Variants in CHSY3 observed in about 807,000 individuals in gnomAD.
The protein encoded by CHSY3 is chondroitin sulfate synthase 3.
A neutral mutation model predicts 67.2 loss-of-function variants in CHSY3; 35 were observed. The observed-to-expected ratio is 0.52, with a 90% confidence interval of 0.40 to 0.69. CHSY3 has a LOEUF of 0.69. Among genes scored for constraint, CHSY3 ranks in the 30% least tolerant of loss-of-function variants. The pLI, the probability that CHSY3 is intolerant of heterozygous loss-of-function variation, is 0.00. For synonymous variants in CHSY3, 474 were observed against 434.7 expected, an observed-to-expected ratio of 1.09 and a Z score of -1.12; for missense variants, 1,069 against 1,138.5, an observed-to-expected ratio of 0.94 and a Z score of 0.88.
chr5:130,108,778 G>T (rs1767494443), intron 2 of CHSY3, among the ~76,000 whole-genome samples: 1 of 151,680 alleles, frequency 6.6e-6, no homozygotes, highest in Admixed American at 6.6e-5. Context: ...CTTCAAAGCA[G>T]ATGCACAAAT....
At chr5:129,967,935 G>A (rs1460839088) in intron 2 of CHSY3, among the ~76,000 whole-genome samples, 1 of 151,620 alleles carries the variant, frequency 6.6e-6, no homozygotes. Context: ...GGTTGAAGTG[G>A]CAATAAGAGA....
chr5:129,961,583 TG>T (rs1473995062), intron 2 of CHSY3, among the ~76,000 whole-genome samples: 1 of 152,024 alleles, frequency 6.6e-6, no homozygotes, highest in Admixed American at 6.6e-5. Flanking sequence ...CCACACCTTT[TG>T]TTTCTGATTT....
intron 2 of CHSY3, among the ~76,000 whole-genome samples, chr5:130,063,883 C>A (rs564562269): frequency 6.6e-6 from 1 of 152,220 alleles, no homozygotes; most frequent in South Asian, 2.1e-4. Context: ...CCTAATCACC[C>A]CTAGAAGGCC....
chr5:130,083,518 A>G (rs1362318688), intron 2 of CHSY3, among the ~76,000 whole-genome samples: 1 of 152,090 alleles, frequency 6.6e-6, no homozygotes, highest in Non-Finnish European at 1.5e-5. Flanking sequence ...TTACCTAGCC[A>G]TAAATATGAC....
chr5:130,178,251 ATATT>A (rs1158684928), intron 2 of CHSY3, among the ~76,000 whole-genome samples: 722 of 62,564 alleles, frequency 0.012, 4 homozygotes, highest in African/African-American at 0.055. Flanking sequence ...ATATATATAT[ATATT>A]TTTTTTTTTT....
At chr5:130,106,051 A>G (rs1767406136) in intron 2 of CHSY3, among the ~76,000 whole-genome samples, 1 of 151,590 alleles carries the variant, frequency 6.6e-6, no homozygotes, top group Non-Finnish European at 1.5e-5. Context: ...TTACTCTAAT[A>G]TCTTACTTAA....
At chr5:130,036,544 G>A (rs1478609135) in intron 2 of CHSY3, among the ~76,000 whole-genome samples, 1 of 152,042 alleles carries the variant, frequency 6.6e-6, no homozygotes, top group Non-Finnish European at 1.5e-5. Flanking sequence ...AACTGCAAAG[G>A]TTGCTGGAAA....
At chr5:130,112,878 T>G (rs1767632543) in intron 2 of CHSY3, among the ~76,000 whole-genome samples, 1 of 152,158 alleles carries the variant, frequency 6.6e-6, no homozygotes, top group Admixed American at 6.6e-5. Context: ...CTTTTAGATC[T>G]TTTATTTCAT....
chr5:129,924,643 TA>T (rs34873764), intron 2 of CHSY3, among the ~76,000 whole-genome samples: 70,882 of 136,778 alleles, frequency 0.52, 18,549 homozygotes, highest in Non-Finnish European at 0.6. Flanking sequence ...AGACTCCCTC[TA>T]AAAAAAAAAA....
rs1766605594 is a variant in CHSY3, at chr5:130,086,016, T to A, written c.1087-98213T>A. 2.6e-5 allele frequency among the ~76,000 whole-genome samples: 4 copies of A among 151,960 alleles called. No homozygotes were observed. In the South Asian group the frequency reaches 6.2e-4, roughly 24 times the overall value. On this transcript the variant is annotated intron_variant, in intron 2 of 2. Coordinates refer to ENST00000305031, the MANE Select transcript of CHSY3 (RefSeq NM_175856.5). ...CCGTTCTTTTACATTTGCTGAGGAG[T>A]GCTTTACTTCCAACTATGTGGTCAA...
Position 130,184,828 on chromosome 5 carries a change from T to C in CHSY3, c.1686T>C (p.Tyr562=), listed in dbSNP as rs1770364501. 2 of 1,611,226 alleles carry C rather than the reference T, an allele frequency of 1.2e-6. No individual in the cohort carries two copies. Among genetic ancestry groups the C allele is most frequent in the Non-Finnish European group, 1.7e-6 (2 of 1,177,366 alleles). The part of the protein sequence containing the change: ...KLTVPVRRHA[Y]LQQLFSKPFF... ...CTGTGCCAGTGAGACGTCATGCCTA[T>C]CTTCAGCAGTTGTTCAGCAAGCCTT... Residue 562 remains tyrosine, a synonymous_variant, in exon 3 of 3, where the codon TAT becomes TAC. Coordinates refer to ENST00000305031, the MANE Select transcript of CHSY3 (RefSeq NM_175856.5).
chr5:129,918,112 T>C (rs777292711), intron 2 of CHSY3, among the ~76,000 whole-genome samples: 1 of 152,222 alleles, frequency 6.6e-6, no homozygotes, highest in Non-Finnish European at 1.5e-5. Context: ...GAACTAATCA[T>C]TGGACTTTAA....
intron 2 of CHSY3, among the ~76,000 whole-genome samples, chr5:130,083,056 G>A (rs1175360293): frequency 6.6e-6 from 1 of 151,860 alleles, no homozygotes; most frequent in East Asian, 1.9e-4. Context: ...ATTAGTAACA[G>A]GAACAGAGGT....
Position 130,008,185 on chromosome 5 carries a change from A to T in CHSY3, c.1086+99825A>T, listed in dbSNP as rs141595639. ...GTGCACATACATGTACATGGACTCAACTGCCACCACTCTGACAAAGCACTG... is the reference window on the plus strand; with the variant it reads ...GTGCACATACATGTACATGGACTCATCTGCCACCACTCTGACAAAGCACTG... On this transcript the variant is annotated intron_variant, in intron 2 of 2. Transcript: ENST00000305031. Among the ~76,000 whole-genome samples, 523 of 152,276 alleles carry T rather than the reference A, an allele frequency of 3.4e-3. 3 individuals carry two copies. The highest frequency in any genetic ancestry group is 0.021 in the East Asian group (108 of 5,166).
chr5:129,965,915 G>T (rs993421083), intron 2 of CHSY3, among the ~76,000 whole-genome samples: 1 of 151,762 alleles, frequency 6.6e-6, no homozygotes, highest in Non-Finnish European at 1.5e-5. Context: ...TTTAAAAGTT[G>T]TTACATGAGG....
At chr5:130,020,443 ATATATATATATATATATAT>A (rs1434617839) in intron 2 of CHSY3, among the ~76,000 whole-genome samples, 83 of 7,738 alleles carry the variant, frequency 0.011, 4 homozygotes, top group Middle Eastern at 0.033. Flanking sequence ...ATATATATAT[ATATATATATATATATATAT>A]TTTTTTTTTT....
chr5:129,987,330 T>G (rs1763234723), intron 2 of CHSY3, among the ~76,000 whole-genome samples: 2 of 152,178 alleles, frequency 1.3e-5, no homozygotes, highest in South Asian at 4.1e-4. Flanking sequence ...AGTAAAACAT[T>G]TCTCATTTAA....
At chr5:130,075,213 T>C (rs1277637410) in intron 2 of CHSY3, among the ~76,000 whole-genome samples, 2 of 152,176 alleles carry the variant, frequency 1.3e-5, no homozygotes, top group Non-Finnish European at 2.9e-5. Context: ...CCTTGCTTTA[T>C]AGGAAAAAGT....
intron 2 of CHSY3, among the ~76,000 whole-genome samples, chr5:130,034,633 A>AT (rs1764796460): frequency 6.6e-6 from 1 of 152,170 alleles, no homozygotes; most frequent in South Asian, 2.1e-4. Flanking sequence ...AAGAGGTGAG[A>AT]TAAACAATTA....
Sources: gnomAD v4.1 joint callset for allele counts (sites outside exome capture counted in the v4.1 genomes callset) on GRCh38, gnomAD v4.1.1 for gene constraint, MANE v1.5 for transcripts, NCBI Gene and HGNC (gene_info 2026-07-23, HGNC 2026-07-21) for gene names.